AGPAT5: variants seen among roughly 807,000 people sequenced by gnomAD.
The protein encoded by AGPAT5 is 1-acylglycerol-3-phosphate O-acyltransferase 5, also known as 1-acyl-sn-glycerol-3-phosphate acyltransferase epsilon.
Under a neutral mutation model 45.6 loss-of-function variants are expected in AGPAT5, and 46 were observed. The observed-to-expected ratio is 1.01, with a 90% CI of 0.80 to 1.29. The LOEUF (loss-of-function observed/expected upper bound fraction) is 1.29, where lower values mean the gene tolerates loss of function less well. AGPAT5 is among the 50% of genes most tolerant of loss of function. The pLI is 0.00. For missense variants in AGPAT5, 673 were observed against 450.7 expected, an observed-to-expected ratio of 1.49 and a Z score of -4.47; for synonymous variants, 272 against 167.0, an observed-to-expected ratio of 1.63 and a Z score of -4.85.
Position 6,757,431 on chromosome 8 carries a change from AT to A in AGPAT5, c.*48del. ...GACAGTGGGATGTGCTACATTGTCT[AT>A]TTTTGGCGGCTGCACATGACATCAA... is the stretch of plus-strand genomic sequence containing the variant. On this transcript the variant is annotated 3_prime_UTR_variant, in exon 8 of 8. Coordinates refer to ENST00000285518, the MANE Select transcript of AGPAT5 (RefSeq NM_018361.5). The A allele has an allele frequency of 6.6e-7, 1 of 1,520,114 alleles. No individual in the cohort carries two copies. The highest frequency in any genetic ancestry group is 9.1e-7 in the Non-Finnish European group (1 of 1,099,020). The allele number at this position is 1,520,114 out of a possible 1,614,324, so 94.2% of individuals were successfully genotyped here.
Position 6,708,786 on chromosome 8 carries a change from G to T in AGPAT5, c.118G>T (p.Ala40Ser). The T allele has an allele frequency of 1.2e-6, 2 of 1,609,446 alleles. No homozygotes were observed. The highest frequency in any genetic ancestry group is 1.7e-6 in the Non-Finnish European group (2 of 1,179,626). ...LAWGVWRLLSAFLPARFYQAL... is the reference protein window; with the variant it reads ...LAWGVWRLLSSFLPARFYQAL... ...CTGGGGGGTCTGGCGGCTGCTCTCC[G>T]CCTTCCTGCCCGCCCGCTTCTACCA... The change falls in exon 1 of 8, where the codon GCC (alanine) becomes TCC (serine). Residue 40 changes from alanine to serine, a missense_variant. Physicochemically the swap from Ala to Ser is moderately conservative, Grantham distance 99. Transcript: ENST00000285518.
intron 4 of AGPAT5, among the ~76,000 whole-genome samples, chr8:6,735,937 C>G (rs1011923389): frequency 1.4e-5 from 2 of 147,140 alleles, no homozygotes; most frequent in Non-Finnish European, 3.0e-5. Context: ...TCACTGCAAC[C>G]TCTGCCTCAC....
rs762042207 is a variant in AGPAT5 at position 6,757,166 on chromosome 8, G to A, written c.873G>A (p.Met291Ile). 2.5e-6 allele frequency: 4 copies of A among 1,612,364 alleles called. No homozygotes were observed. The highest frequency in any genetic ancestry group is 3.4e-6 in the Non-Finnish European group (4 of 1,179,212). Reference protein sequence around the residue: ...LHERFEIKDKMLIEFYESPDP... With the variant: ...LHERFEIKDKILIEFYESPDP... Reference sequence around the variant, plus strand: ...ACTTTTTCCATTCTGGCCATAGGATGCTTATAGAATTTTATGAGTCACCAG... The same window carrying A: ...ACTTTTTCCATTCTGGCCATAGGATACTTATAGAATTTTATGAGTCACCAG... The change falls in exon 8 of 8, where the codon ATG becomes ATA. Residue 291 changes from methionine (M) to isoleucine (I), a missense_variant. Coordinates refer to ENST00000285518, the MANE Select transcript of AGPAT5 (RefSeq NM_018361.5).
chr8:6,721,722 A>T (rs1329586756), intron 1 of AGPAT5, among the ~76,000 whole-genome samples: 1 of 152,206 alleles, frequency 6.6e-6, no homozygotes, highest in East Asian at 1.9e-4. Flanking sequence ...GGGAGAGCAG[A>T]CTGTTCCTTT....
At chr8:6,715,059 G>T (rs1305204426) in intron 1 of AGPAT5, among the ~76,000 whole-genome samples, 1 of 152,166 alleles carries the variant, frequency 6.6e-6, no homozygotes, top group Non-Finnish European at 1.5e-5. Flanking sequence ...CTTAATTCCT[G>T]CAATATTCCC....
Position 6,754,519 on chromosome 8 carries a change from A to G in AGPAT5, c.746-532A>G, listed in dbSNP as rs566709217. ...TGTCAGGCGACAAGCAAAGTTGAGG[A>G]TTATCAGGCGCCTGTGAGTGCCCAG... On this transcript the variant is annotated intron_variant, in intron 6 of 7. Coordinates refer to ENST00000285518, the MANE Select transcript of AGPAT5 (RefSeq NM_018361.5). Among the ~76,000 whole-genome samples, 4 of 152,222 alleles carry G rather than the reference A, an allele frequency of 2.6e-5. No homozygotes were observed. In the South Asian group the frequency reaches 8.3e-4, roughly 32 times the overall value.
At chr8:6,728,788 A>G (rs1800772254) in intron 2 of AGPAT5, among the ~76,000 whole-genome samples, 1 of 152,222 alleles carries the variant, frequency 6.6e-6, no homozygotes, top group Non-Finnish European at 1.5e-5. Flanking sequence ...TGGTACAGGT[A>G]TAACAGGGTC....
intron 1 of AGPAT5, among the ~76,000 whole-genome samples, chr8:6,720,154 C>T (rs1312697499): frequency 6.6e-6 from 1 of 152,142 alleles, no homozygotes; most frequent in Admixed American, 6.5e-5. Context: ...GAAAGCCCCA[C>T]TAGATAGTGT....
chr8:6,724,165 C>T (rs1800603605), intron 1 of AGPAT5, among the ~76,000 whole-genome samples: 1 of 152,206 alleles, frequency 6.6e-6, no homozygotes, highest in Non-Finnish European at 1.5e-5. Flanking sequence ...TGATGTTTCT[C>T]TCATACTTAC....
intron 1 of AGPAT5, among the ~76,000 whole-genome samples, chr8:6,713,647 G>C (rs942901707): frequency 6.6e-6 from 1 of 152,068 alleles, no homozygotes; most frequent in African/African-American, 2.4e-5. Flanking sequence ...CTCTGCCCCC[G>C]GGCTCAAGCG....
intron 1 of AGPAT5, among the ~76,000 whole-genome samples, chr8:6,717,619 CTG>C (rs1800372791): frequency 1.3e-5 from 2 of 152,200 alleles, no homozygotes; most frequent in African/African-American, 4.8e-5. Flanking sequence ...AGGAATACAA[CTG>C]TGTCCAAATG....
chr8:6,727,115 G>A (rs947469348), intron 2 of AGPAT5, among the ~76,000 whole-genome samples: 1 of 152,136 alleles, frequency 6.6e-6, no homozygotes, highest in South Asian at 2.1e-4. Context: ...AATGTAATTA[G>A]CGGAAAGAAT....
At chr8:6,744,393 C>A (rs183641817) in intron 5 of AGPAT5, among the ~76,000 whole-genome samples, 23 of 152,336 alleles carry the variant, frequency 1.5e-4, no homozygotes, top group African/African-American at 5.1e-4. Flanking sequence ...TGCTCTCAGG[C>A]AGGGCCACAA....
rs1042649844 is a variant in AGPAT5 at position 6,759,401 on chromosome 8, A to G, written c.*2013A>G. ...ATACAGTCGTTGAAAAAAATTTTGT[A>G]TCAAAATGTTTGGAAAATTAGAAGC... On this transcript the variant is annotated 3_prime_UTR_variant, in exon 8 of 8. Transcript: ENST00000285518. 1 of 152,218 alleles carries G rather than the reference A, an allele frequency of 6.6e-6. No homozygotes were observed. Among genetic ancestry groups the G allele is most frequent in the Non-Finnish European group, 1.5e-5 (1 of 68,032 alleles). 9.4% of individuals were successfully genotyped at this position (152,218 alleles called of 1,614,324 possible).
intron 4 of AGPAT5, among the ~76,000 whole-genome samples, chr8:6,735,064 G>C (rs371482627): frequency 6.6e-6 from 1 of 152,140 alleles, no homozygotes; most frequent in Non-Finnish European, 1.5e-5. Flanking sequence ...TTCATTCTTA[G>C]GGAGAATCTC....
chr8:6,720,118 G>A (rs1800453168), intron 1 of AGPAT5, among the ~76,000 whole-genome samples: 1 of 152,152 alleles, frequency 6.6e-6, no homozygotes, highest in Non-Finnish European at 1.5e-5. Flanking sequence ...GCTAGAAAAT[G>A]AGACAGACTT....
chr8:6,742,135 C>G (rs1042698755), intron 5 of AGPAT5, among the ~76,000 whole-genome samples: 3 of 152,130 alleles, frequency 2.0e-5, no homozygotes, highest in Non-Finnish European at 2.9e-5. Flanking sequence ...CTTTTATTAG[C>G]TGTATGGTTG....
chr8:6,756,706 A>G (rs978328426), intron 7 of AGPAT5, among the ~76,000 whole-genome samples: 1 of 151,674 alleles, frequency 6.6e-6, no homozygotes, highest in African/African-American at 2.4e-5. Context: ...GCATCCTTTG[A>G]TCTTGGTCTC....
chr8:6,719,365 G>T (rs186586840), intron 1 of AGPAT5, among the ~76,000 whole-genome samples: 1 of 152,166 alleles, frequency 6.6e-6, no homozygotes, highest in African/African-American at 2.4e-5. Context: ...AGCCATTGAC[G>T]TGGAAATTAA....
Sources: allele counts gnomAD v4.1 joint callset (sites outside exome capture counted in the v4.1 genomes callset), GRCh38; gene constraint gnomAD v4.1.1; transcripts MANE v1.5; gene names NCBI Gene and HGNC (gene_info 2026-07-23, HGNC 2026-07-21).